Variants in UNC13A observed in about 807,000 individuals in gnomAD.
The protein encoded by UNC13A is unc-13 homolog A.
UNC13A carries 61 observed loss-of-function variants against 219.7 expected under a neutral mutation model. That is an observed-to-expected ratio of 0.28 (90% CI 0.23 to 0.34). The LOEUF (loss-of-function observed/expected upper bound fraction) is 0.34, where lower values mean the gene tolerates loss of function less well. UNC13A is among the 10% of genes least tolerant of loss of function. The pLI, the probability that UNC13A is intolerant of heterozygous loss-of-function variation, is 1.00. For missense variants in UNC13A, 1,476 were observed against 2,270.3 expected (o/e 0.65, Z 7.11); for synonymous variants, 920 against 884.6 (o/e 1.04, Z -0.71).
intron 11 of UNC13A, among the ~76,000 whole-genome samples, chr19:17,654,319 T>C (rs560351648): frequency 2.0e-5 from 3 of 152,346 alleles, no homozygotes; most frequent in African/African-American, 7.2e-5. Flanking sequence ...TTTAATTTCT[T>C]GACCTAGTGG....
At chr19:17,609,485 C>T (rs1057064790) in intron 43 of UNC13A, among the ~76,000 whole-genome samples, 1 of 152,070 alleles carries the variant, frequency 6.6e-6, no homozygotes, top group African/African-American at 2.4e-5. Context: ...ACGGTCCTGA[C>T]AAGGCTCAAT....
intron 35 of UNC13A, 22 bp from the exon 36 acceptor site, chr19:17,623,569 G>A: frequency 1.5e-6 from 2 of 1,313,888 alleles, no homozygotes; most frequent in Non-Finnish European, 2.0e-6. Flanking sequence ...GATGGGGGCG[G>A]GGCGGTGGGG....
chr19:17,647,146 T>C, intron 17 of UNC13A, 119 bp downstream of exon 17: 1 of 929,162 alleles, frequency 1.1e-6, no homozygotes, highest in Non-Finnish European at 1.6e-6. Context: ...TGAGATGGAA[T>C]GCACCCGACC....
intron 1 of UNC13A, among the ~76,000 whole-genome samples, chr19:17,684,196 A>T (rs542787320): frequency 6.6e-4 from 101 of 152,326 alleles, no homozygotes; most frequent in Middle Eastern, 3.4e-3. Context: ...GCTTTTGCTC[A>T]TGCTGTTCCC....
intron 3 of UNC13A, among the ~76,000 whole-genome samples, chr19:17,673,201 T>C (rs2079823363): frequency 6.7e-6 from 1 of 149,100 alleles, no homozygotes; most frequent in South Asian, 2.1e-4. Flanking sequence ...CCACTAAAAA[T>C]ACAAAATTAG....
Position 17,640,564 on chromosome 19 carries a change from T to C in UNC13A, c.2734A>G (p.Thr912Ala), listed in dbSNP as rs867041247. Residue 912 changes from threonine to alanine, a missense_variant, in exon 22 of 44, where the codon ACC (threonine) becomes GCC (alanine). Coordinates refer to ENST00000519716, the MANE Select transcript of UNC13A (RefSeq NM_001080421.3). ...ANINAYYAHTTASTNVSASDR... is the reference protein window; with the variant it reads ...ANINAYYAHTAASTNVSASDR... ...GAGGCAGACACGTTGGTGGAGGCGG[T>C]GGTGTGTGCGTAGTAGGCATTGATG... 2 of 1,559,228 alleles carry C rather than the reference T, an allele frequency of 1.3e-6. No individual in the cohort carries two copies. The highest frequency in any genetic ancestry group is 1.4e-5 in the African/African-American group (1 of 73,628).
At position 17,623,253 on chromosome 19, in the gene UNC13A, C is replaced by T. The variant is rs1464560989; in HGVS notation, c.4203+289G>A. On this transcript the variant is annotated intron_variant, in intron 36 of 43. Coordinates refer to ENST00000519716, the MANE Select transcript of UNC13A (RefSeq NM_001080421.3). Reference sequence around the variant, plus strand: ...AGCAAGGTTGGATTCTACCCTTAGACGGCAGGTCCGCTGCGAAGGAGGAGC... The same window carrying T: ...AGCAAGGTTGGATTCTACCCTTAGATGGCAGGTCCGCTGCGAAGGAGGAGC... 1.4e-5 allele frequency: 6 copies of T among 426,388 alleles called. No individual in the cohort carries two copies. In the East Asian group the frequency reaches 1.9e-4, roughly 14 times the overall value. The allele number at this position is 426,388 out of a possible 1,614,324, so 26.4% of individuals were successfully genotyped here. A position where few individuals can be genotyped will look rare whatever the true frequency, so the allele number is the denominator to read the frequency against.
intron 1 of UNC13A, among the ~76,000 whole-genome samples, chr19:17,683,660 A>AAAACAAAC (rs151027580): frequency 2.0e-5 from 3 of 152,072 alleles, no homozygotes; most frequent in Non-Finnish European, 4.4e-5. Flanking sequence ...CGTGTCTCAA[A>AAAACAAAC]AAACAAACAA....
At chr19:17,663,923 GTAAC>G (rs1294922564) in intron 7 of UNC13A, among the ~76,000 whole-genome samples, 1 of 151,724 alleles carries the variant, frequency 6.6e-6, no homozygotes, top group African/African-American at 2.4e-5. Flanking sequence ...AGCCTCCTGA[GTAAC>G]TGAGATTACA....
At chr19:17,609,089 C>T (rs372740002) in intron 43 of UNC13A, among the ~76,000 whole-genome samples, 186 of 149,584 alleles carry the variant, frequency 1.2e-3, no homozygotes, top group African/African-American at 4.3e-3. Flanking sequence ...TCCCGAGTAG[C>T]TGGGATCACA....
chr19:17,658,335 C>A, intron 8 of UNC13A, 66 bp from the exon 9 acceptor site: 3 of 1,488,964 alleles, frequency 2.0e-6, no homozygotes, highest in Non-Finnish European at 2.8e-6. Context: ...GGAGCCAATA[C>A]AATTTCCCAG....
intron 1 of UNC13A, among the ~76,000 whole-genome samples, chr19:17,680,852 TTTCTC>T (rs1175943413): frequency 6.8e-6 from 1 of 146,454 alleles, no homozygotes; most frequent in African/African-American, 2.5e-5. Flanking sequence ...TTTTCTTTCT[TTTCTC>T]TTCTTCTTCT....
chr19:17,639,940 G>A, intron 22 of UNC13A, 32 bp from the exon 23 acceptor site: 19 of 1,611,806 alleles, frequency 1.2e-5, no homozygotes, highest in Non-Finnish European at 1.6e-5. Flanking sequence ...GAGGATGGAT[G>A]GAGGCAGGAC....
Position 17,641,506 on chromosome 19 carries a change from G to A in UNC13A, c.2523C>T (p.Ile841=). 6.2e-7 allele frequency: 1 copy of A among 1,614,042 alleles called. No homozygotes were observed. Among genetic ancestry groups the A allele is most frequent in the Non-Finnish European group, 8.5e-7 (1 of 1,179,972 alleles). The change falls in exon 21 of 44, where the codon ATC becomes ATT. Residue 841 remains isoleucine, a synonymous_variant. Coordinates refer to ENST00000519716, the MANE Select transcript of UNC13A (RefSeq NM_001080421.3). ...AGGCATCGTCACCCTTGGCATCTGG[G>A]ATCTTCACGACCCCATTGTTCTGCA... ...TDVQNNGVVK[I]PDAKGDDAWK... is the part of the protein sequence containing the mutation.
chr19:17,672,647 C>T (rs2079812347), intron 3 of UNC13A, among the ~76,000 whole-genome samples, 152 bp from the exon 4 acceptor site: 2 of 152,058 alleles, frequency 1.3e-5, no homozygotes, highest in Admixed American at 6.6e-5. Context: ...TGGTGGTTCT[C>T]ATTTTATAGA....
At chr19:17,678,404 G>C (rs1319622285) in intron 1 of UNC13A, among the ~76,000 whole-genome samples, 1 of 152,048 alleles carries the variant, frequency 6.6e-6, no homozygotes, top group Admixed American at 6.6e-5. Context: ...CCTTTAACCT[G>C]GAAGGCAGAG....
chr19:17,615,404 G>A (rs1261681104), intron 41 of UNC13A, among the ~76,000 whole-genome samples: 1 of 151,758 alleles, frequency 6.6e-6, no homozygotes, highest in Non-Finnish European at 1.5e-5. Context: ...CCAGGCGCTG[G>A]GATTACACCT....
In UNC13A at chr19:17,649,920, G is replaced by A. The variant is rs1015359248; in HGVS notation, c.1440-333C>T. 6.6e-6 allele frequency among the ~76,000 whole-genome samples: 1 copy of A among 152,074 alleles called. No homozygotes were observed. Among genetic ancestry groups the A allele is most frequent in the Non-Finnish European group, 1.5e-5 (1 of 68,004 alleles). Reference sequence around the variant, plus strand: ...GCGACGTATCTACAAACCAATACTCGGGGGCCAAGGAATTCAAGCAAACTA... The same window carrying A: ...GCGACGTATCTACAAACCAATACTCAGGGGCCAAGGAATTCAAGCAAACTA... On this transcript the variant is annotated intron_variant, in intron 12 of 43. Coordinates refer to ENST00000519716, the MANE Select transcript of UNC13A (RefSeq NM_001080421.3). This position sits in a 1 kb window ranked among gnomAD's most constrained non-coding sequence, Gnocchi z 4.4.
intron 8 of UNC13A, among the ~76,000 whole-genome samples, chr19:17,658,510 A>G (rs2079500741): frequency 6.6e-6 from 1 of 152,208 alleles, no homozygotes; most frequent in African/African-American, 2.4e-5. Flanking sequence ...GGTAGGACCT[A>G]CAATGTGAAG....
Sources: allele counts gnomAD v4.1 joint callset (sites outside exome capture counted in the v4.1 genomes callset), GRCh38; gene constraint gnomAD v4.1.1; non-coding constraint Gnocchi (gnomAD v3.1); transcripts MANE v1.5; gene names NCBI Gene and HGNC (gene_info 2026-07-23, HGNC 2026-07-21).